The following MAEA variants were observed in gnomAD, a reference collection of about 807,000 sequenced individuals.
The protein encoded by MAEA is macrophage erythroblast attacher, E3 ubiquitin ligase, also known as E3 ubiquitin-protein transferase MAEA.
Under a neutral mutation model 46.2 loss-of-function variants are expected in MAEA, and 22 were observed. The observed-to-expected ratio is 0.48, with a 90% confidence interval of 0.34 to 0.68. The LOEUF (loss-of-function observed/expected upper bound fraction) is 0.68, where lower values mean the gene tolerates loss of function less well. Among genes scored for constraint, MAEA ranks in the 30% least tolerant of loss-of-function variants. The pLI is 0.01. For synonymous variants in MAEA, 246 were observed against 222.6 expected (o/e 1.11, Z -0.94); for missense variants, 393 against 558.1 (o/e 0.70, Z 2.98).
In MAEA at chr4:1,339,173, C is replaced by T; in HGVS notation, c.*4C>T. On this transcript the variant is annotated 3_prime_UTR_variant, in exon 9 of 9. Coordinates refer to ENST00000303400, the MANE Select transcript of MAEA (RefSeq NM_001017405.3). ...CGAGAAGGTGTACATCATGTAGGCC[C>T]CACGTCGTGAAGCGCACGCCTCGGG... 2 of 1,613,010 alleles carry T rather than the reference C, an allele frequency of 1.2e-6. No homozygotes were observed. Among genetic ancestry groups the T allele is most frequent in the South Asian group, 2.2e-5 (2 of 91,066 alleles).
intron 6 of MAEA, among the ~76,000 whole-genome samples, chr4:1,334,326 G>A (rs1194095865): frequency 6.6e-6 from 1 of 151,914 alleles, no homozygotes; most frequent in Non-Finnish European, 1.5e-5. Context: ...CACCCTGTAG[G>A]GACTGCAAAG....
At chr4:1,305,682 G>A (rs74478546) in intron 1 of MAEA, among the ~76,000 whole-genome samples, 13,539 of 152,198 alleles carry the variant, frequency 0.089, 1,276 homozygotes, top group East Asian at 0.42. Context: ...GGGTGCCGGG[G>A]TTCTCCAGAG....
In MAEA at chr4:1,316,612, C is replaced by T. The variant is rs1737206957; in HGVS notation, c.456+1012C>T. Among the ~76,000 whole-genome samples the T allele has an allele frequency of 2.0e-5, 3 of 152,072 alleles. No homozygotes were observed. In the South Asian group the frequency reaches 6.2e-4, roughly 31 times the overall value. The stretch of plus-strand genomic sequence containing the variant: ...GCTGCTCCCTGCCACGGCTCCTCAG[C>T]CCACCTCCTCCCTGCTTCTGTCTAA... On this transcript the variant is annotated intron_variant, in intron 3 of 8. Transcript: ENST00000303400.
intron 4 of MAEA, among the ~76,000 whole-genome samples, chr4:1,323,034 C>T (rs1738354150): frequency 6.9e-6 from 1 of 144,742 alleles, no homozygotes; most frequent in East Asian, 2.1e-4. Flanking sequence ...GGCTCACTTG[C>T]CTCCGGTGTT....
chr4:1,305,397 A>G (rs1735731038), intron 1 of MAEA, among the ~76,000 whole-genome samples: 1 of 151,188 alleles, frequency 6.6e-6, no homozygotes, highest in African/African-American at 2.4e-5. Context: ...TTGCTGGAGG[A>G]CTCTTCGGTG....
Position 1,337,571 on chromosome 4 carries a change from C to G in MAEA, c.899+577C>G, listed in dbSNP as rs116815340. ...GTGACTGAGTCTGTCCCGTTTGTGA[C>G]TGATTCCTTCCTGTGACTGACTCTG... On this transcript the variant is annotated intron_variant, in intron 7 of 8. Coordinates refer to ENST00000303400, the MANE Select transcript of MAEA (RefSeq NM_001017405.3). 1,059 of 175,810 alleles carry G rather than the reference C, an allele frequency of 6.0e-3. 15 individuals carry two copies. The highest frequency in any genetic ancestry group is 0.024 in the African/African-American group (1,003 of 41,612). The allele number at this position is 175,810 out of a possible 1,614,324, so 10.9% of individuals were successfully genotyped here.
At chr4:1,328,765 AG>A in intron 5 of MAEA, 8 of 1,166,490 alleles carry the variant, frequency 6.9e-6, no homozygotes, top group Non-Finnish European at 8.7e-6. Context: ...TGGACCCTGG[AG>A]AGGCCCGGGG....
chr4:1,335,798 C>G (rs1384165698), intron 6 of MAEA: 2 of 851,160 alleles, frequency 2.3e-6, no homozygotes, highest in African/African-American at 4.0e-5. Flanking sequence ...AAGTCAGCAC[C>G]TGCCCTGCAG....
chr4:1,302,123 A>G (rs1031989701), intron 1 of MAEA, among the ~76,000 whole-genome samples: 2 of 152,222 alleles, frequency 1.3e-5, no homozygotes, highest in Non-Finnish European at 2.9e-5. Context: ...AAACTAAGAA[A>G]ATCTAAGAAA....
At chr4:1,331,180 G>A (rs1711745596) in intron 5 of MAEA, 1 of 151,148 alleles carries the variant, frequency 6.6e-6, no homozygotes, top group African/African-American at 2.5e-5. Flanking sequence ...GCTCCAAGGA[G>A]GGGGATGCAT....
chr4:1,303,159 C>T lies in MAEA; in HGVS notation c.70-8820C>T, dbSNP rs541409734. ...ATCCCAGCACTTTGGGAGGCTGGGG[C>T]GGGTGGATCATGAGCTCAGGAGATT... is the stretch of plus-strand genomic sequence containing the variant. On this transcript the variant is annotated intron_variant, in intron 1 of 8. Transcript: ENST00000303400. Among the ~76,000 whole-genome samples, 11 of 132,866 alleles carry T rather than the reference C, an allele frequency of 8.3e-5. No individual in the cohort carries two copies. In the East Asian group the frequency reaches 2.1e-3, roughly 26 times the overall value. The allele number at this position is 132,866 out of a possible 152,430, so 87.2% of individuals were successfully genotyped here.
intron 7 of MAEA, chr4:1,337,202 G>C: frequency 1.7e-6 from 1 of 588,502 alleles, no homozygotes; most frequent in Admixed American, 3.4e-5. Flanking sequence ...TTCACTCTGG[G>C]AAGTGGCGCG....
chr4:1,299,524 T>G (rs1408988626), intron 1 of MAEA: 1 of 153,026 alleles, frequency 6.5e-6, no homozygotes, highest in Non-Finnish European at 1.5e-5. Flanking sequence ...CGTCTTTTTG[T>G]TCTAGGAGTT....
At chr4:1,290,824 G>A (rs909464170) in intron 1 of MAEA, among the ~76,000 whole-genome samples, 2 of 152,182 alleles carry the variant, frequency 1.3e-5, no homozygotes, top group Non-Finnish European at 2.9e-5. Context: ...AGGTTGCTGT[G>A]CGTTCCCCCA....
At position 1,332,829 on chromosome 4, in the gene MAEA, G is replaced by A. The variant is rs772119127; in HGVS notation, c.729G>A (p.Leu243=). ...LDEVRQAMGM[L]AFPPDTHISP... ...AGGTGCGCCAGGCCATGGGCATGCT[G>A]GCCTTCCCGCCCGACACGCACATCT... Residue 243 remains leucine, a synonymous_variant, in exon 6 of 9, where the codon CTG becomes CTA. Coordinates refer to ENST00000303400, the MANE Select transcript of MAEA (RefSeq NM_001017405.3). 4 of 1,613,180 alleles carry A rather than the reference G, an allele frequency of 2.5e-6. No homozygotes were observed. Among genetic ancestry groups the A allele is most frequent in the South Asian group, 1.1e-5 (1 of 91,040 alleles).
At position 1,328,490 on chromosome 4, in the gene MAEA, C is replaced by T. The variant is rs114278336; in HGVS notation, c.656+787C>T. Reference sequence around the variant, plus strand: ...GAGGTTCCTGAGCGGCCAAGCCTTGCGGTGACGCTTGAGTTGCTGTGTGGG... The same window carrying T: ...GAGGTTCCTGAGCGGCCAAGCCTTGTGGTGACGCTTGAGTTGCTGTGTGGG... On this transcript the variant is annotated intron_variant, in intron 5 of 8. Coordinates refer to ENST00000303400, the MANE Select transcript of MAEA (RefSeq NM_001017405.3). 2.2e-3 allele frequency: 1,087 copies of T among 489,652 alleles called. 12 individuals are homozygous for T. The highest frequency in any genetic ancestry group is 0.021 in the African/African-American group (997 of 48,586). 30.3% of individuals were successfully genotyped at this position (489,652 alleles called of 1,614,324 possible).
At chr4:1,328,062 G>A (rs896716336) in intron 5 of MAEA, among the ~76,000 whole-genome samples, 3 of 152,246 alleles carry the variant, frequency 2.0e-5, no homozygotes, top group African/African-American at 7.2e-5. Flanking sequence ...CTCAGTAGAT[G>A]GGAGTGTCTC....
rs201071758 is a variant in MAEA at position 1,315,592 on chromosome 4, G to A, written c.448G>A (p.Gly150Ser). The change falls in exon 3 of 9, where the codon GGC becomes AGC. Residue 150 changes from glycine to serine, a missense_variant. Transcript: ENST00000303400. ...NTAVKLARQS[G>S]IEDLVNIEMF... ...GGCTGTCAAGCTGGCGCGCCAGAGC[G>A]GCATCGAGGTGGGTGCCCGCCAGAC... The A allele has an allele frequency of 1.1e-5, 17 of 1,612,884 alleles. No individual in the cohort carries two copies. In the East Asian group the frequency reaches 1.8e-4, roughly 17 times the overall value.
At chr4:1,315,677 C>A in intron 3 of MAEA, 77 bp downstream of exon 3, 1 of 1,427,000 alleles carries the variant, frequency 7.0e-7, no homozygotes, top group Non-Finnish European at 9.7e-7. Context: ...GGCATGTCCC[C>A]CGGCATGCCT....
Sources: gnomAD v4.1 joint callset for allele counts (sites outside exome capture counted in the v4.1 genomes callset) on GRCh38, gnomAD v4.1.1 for gene constraint, MANE v1.5 for transcripts, NCBI Gene and HGNC (gene_info 2026-07-23, HGNC 2026-07-21) for gene names.